Variants in TLK1 observed in about 807,000 individuals in gnomAD.
TLK1 encodes tousled like kinase 1.
Under a neutral mutation model 105.3 loss-of-function variants are expected in TLK1, and 24 were observed. That is an observed-to-expected ratio of 0.23 (90% CI 0.17 to 0.32). The LOEUF is 0.32. Among genes scored for constraint, TLK1 ranks in the 10% least tolerant of loss-of-function variants. The pLI is 1.00. For synonymous variants in TLK1, 321 were observed against 310.4 expected (o/e 1.03, Z -0.36); for missense variants, 558 against 910.5 (o/e 0.61, Z 4.98).
chr2:171,088,278 G>T lies in TLK1; in HGVS notation c.259-5426C>A, dbSNP rs567716955. 1.1e-4 allele frequency among the ~76,000 whole-genome samples: 16 copies of T among 152,282 alleles called. No homozygotes were observed. The South Asian group carries it at 3.1e-3, about 30-fold the overall frequency. ...GCCCAGGAGATAGAGGCTGCAGTGA[G>T]CTGTGACAGTGCCACTGCGCTCCAC... On this transcript the variant is annotated intron_variant, in intron 2 of 20. Transcript: ENST00000431350.
chr2:171,208,475 T>C (rs1279741745), intron 1 of TLK1, among the ~76,000 whole-genome samples: 1 of 152,186 alleles, frequency 6.6e-6, no homozygotes, highest in East Asian at 1.9e-4. Flanking sequence ...ATTATAAGAG[T>C]GGAGAGTTCT....
At chr2:171,056,690 T>G in intron 5 of TLK1, 124 bp from the exon 6 acceptor site, 1 of 618,672 alleles carries the variant, frequency 1.6e-6, no homozygotes, top group Admixed American at 4.2e-5. Flanking sequence ...TTTAAATGGG[T>G]CCAGAACAAA....
At chr2:171,161,200 C>T (rs1353615742), upstream of TLK1, among the ~76,000 whole-genome samples, 3 of 149,712 alleles carry the variant, frequency 2.0e-5, no homozygotes, top group Non-Finnish European at 4.5e-5. Flanking sequence ...GGAGGCGCGC[C>T]CCCGCCGCGC....
intron 13 of TLK1, among the ~76,000 whole-genome samples, chr2:171,013,935 C>T (rs755998326): frequency 6.6e-6 from 1 of 152,182 alleles, no homozygotes; most frequent in East Asian, 1.9e-4. Flanking sequence ...TTTCATGAAG[C>T]TCCCACAAGC....
chr2:171,123,488 C>A (rs1690742940), intron 1 of TLK1, among the ~76,000 whole-genome samples: 1 of 152,160 alleles, frequency 6.6e-6, no homozygotes, highest in South Asian at 2.1e-4. Context: ...CAGGCATGAG[C>A]CACCACGCCT....
At chr2:170,997,597 G>T in intron 19 of TLK1, 115 bp downstream of exon 19, 1 of 526,316 alleles carries the variant, frequency 1.9e-6, no homozygotes, top group Non-Finnish European at 3.2e-6. Context: ...GAGAAGCCTG[G>T]CTTTCTTTAG....
chr2:171,160,818 G>C lies in TLK1; in HGVS notation c.-390C>G. ...GAACCTGCCGGCACCTCTGCAGTGC[G>C]TCGGCCCCCGGCGTCGCCCGGGAGG... On this transcript the variant is annotated 5_prime_UTR_variant, in exon 1 of 21. Transcript: ENST00000431350. The surrounding 1 kb of genome is among the most constrained non-coding windows in gnomAD (Gnocchi z 4.4). 2.8e-6 allele frequency: 1 copy of C among 358,808 alleles called. No individual in the cohort carries two copies. The highest frequency in any genetic ancestry group is 1.3e-4 in the South Asian group (1 of 7,590). 22.2% of individuals were successfully genotyped at this position (358,808 alleles called of 1,614,324 possible).
At chr2:171,205,803 C>T (rs1251079865) in intron 1 of TLK1, among the ~76,000 whole-genome samples, 1 of 152,146 alleles carries the variant, frequency 6.6e-6, no homozygotes, top group Non-Finnish European at 1.5e-5. Flanking sequence ...TGAGTTAAAC[C>T]ACTATTTGAA....
At chr2:171,200,247 A>G (rs1041765509) in intron 1 of TLK1, among the ~76,000 whole-genome samples, 8 of 152,214 alleles carry the variant, frequency 5.3e-5, no homozygotes, top group Non-Finnish European at 1.0e-4. Context: ...TACATTATTT[A>G]AAGTGTGCTT....
chr2:171,028,318 T>C, intron 12 of TLK1, 21 bp downstream of exon 12: 2 of 1,565,020 alleles, frequency 1.3e-6, no homozygotes, highest in Middle Eastern at 1.7e-4. Context: ...GAACTAAAAA[T>C]GCAGCATATG....
intron 1 of TLK1, among the ~76,000 whole-genome samples, chr2:171,139,222 T>C (rs1006551025): frequency 1.3e-5 from 2 of 152,142 alleles, no homozygotes; most frequent in Non-Finnish European, 2.9e-5. Context: ...CTTTTAAAAA[T>C]ATATTGTAAT....
At chr2:171,171,504 C>CA (rs541238416) in intron 1 of TLK1, among the ~76,000 whole-genome samples, 6,142 of 67,050 alleles carry the variant, frequency 0.092, 344 homozygotes, top group East Asian at 0.39. Context: ...CCCTCATCTC[C>CA]AAAAAAAAAA....
Position 170,991,102 on chromosome 2 carries a change from T to C in TLK1, c.*2678A>G, listed in dbSNP as rs369031026. On this transcript the variant is annotated 3_prime_UTR_variant, in exon 21 of 21. Transcript: ENST00000431350. ...TAGGGTGGTTTCTACACTTACTTCC[T>C]CTCAACATGCACACACTAAAGCAAA... 3.3e-5 allele frequency: 5 copies of C among 152,286 alleles called. No homozygotes were observed. The East Asian group carries it at 7.7e-4, about 24-fold the overall frequency. The allele number at this position is 152,286 out of a possible 1,614,324, so 9.4% of individuals were successfully genotyped here.
chr2:171,160,581 G>A lies in TLK1; in HGVS notation c.-153C>T, dbSNP rs1259436771. On this transcript the variant is annotated 5_prime_UTR_variant, in exon 1 of 21. Transcript: ENST00000431350. The surrounding 1 kb of genome is among the most constrained non-coding windows in gnomAD (Gnocchi z 4.4). ...AGTCAAGGGGATGGGGGAGGAAACCGAGAAGAGGGGAGGTGGGGAGGAAAG... is the reference window on the plus strand; with the variant it reads ...AGTCAAGGGGATGGGGGAGGAAACCAAGAAGAGGGGAGGTGGGGAGGAAAG... 13 of 1,220,200 alleles carry A rather than the reference G, an allele frequency of 1.1e-5. No individual in the cohort carries two copies. The East Asian group carries it at 2.8e-4, about 26-fold the overall frequency. The allele number at this position is 1,220,200 out of a possible 1,614,324, so 75.6% of individuals were successfully genotyped here. A position where few individuals can be genotyped will look rare whatever the true frequency, so the allele number is the denominator to read the frequency against.
chr2:171,058,318 G>A (rs755727628), intron 4 of TLK1, 121 bp from the exon 5 acceptor site: 4 of 859,548 alleles, frequency 4.7e-6, no homozygotes, highest in Non-Finnish European at 7.4e-6. Context: ...CATTTCAATA[G>A]AGACATGCCA....
chr2:171,038,137 T>C (rs569550918), intron 11 of TLK1, among the ~76,000 whole-genome samples: 3 of 152,340 alleles, frequency 2.0e-5, no homozygotes, highest in African/African-American at 7.2e-5. Flanking sequence ...ATTTAAGCAA[T>C]TTATAATGTG....
At chr2:171,182,396 A>G (rs1692942655) in intron 1 of TLK1, among the ~76,000 whole-genome samples, 1 of 152,216 alleles carries the variant, frequency 6.6e-6, no homozygotes, top group African/African-American at 2.4e-5. Context: ...ACATACTGAC[A>G]TTGTGGGCTA....
intron 10 of TLK1, among the ~76,000 whole-genome samples, chr2:171,048,893 C>A (rs1282962328): frequency 6.6e-6 from 1 of 152,176 alleles, no homozygotes; most frequent in Non-Finnish European, 1.5e-5. Flanking sequence ...AAAAAATTTT[C>A]CACCAAAAAC....
intron 12 of TLK1, among the ~76,000 whole-genome samples, chr2:171,015,719 ACACACACACACACCCACCC>A (rs1685165846): frequency 1.5e-5 from 1 of 67,922 alleles, no homozygotes. Flanking sequence ...ACACACACAC[ACACACACACACACCCACCC>A]CTTTTTTGTC....
Sources: allele counts gnomAD v4.1 joint callset (sites outside exome capture counted in the v4.1 genomes callset), GRCh38; gene constraint gnomAD v4.1.1; non-coding constraint Gnocchi (gnomAD v3.1); transcripts MANE v1.5; gene names NCBI Gene and HGNC (gene_info 2026-07-23, HGNC 2026-07-21).